Variants in DHX29 observed in about 807,000 individuals in gnomAD.
DHX29 encodes the protein ATP-dependent RNA helicase DHX29.
A neutral mutation model predicts 167.9 loss-of-function variants in DHX29; 79 were observed. That is an observed-to-expected ratio of 0.47 (90% CI 0.39 to 0.57). The LOEUF is 0.57. Among genes scored for constraint, DHX29 ranks in the 20% least tolerant of loss-of-function variants. The probability of loss-of-function intolerance (pLI) is 0.00; values close to 1 mark genes in which losing one functional copy is unlikely to be tolerated. For synonymous variants in DHX29, 530 were observed against 546.0 expected (o/e 0.97, Z 0.41); for missense variants, 1,347 against 1,593.4 (o/e 0.85, Z 2.63).
At position 55,267,760 on chromosome 5, in the gene DHX29, A is replaced by T; in HGVS notation, c.3357T>A (p.Asp1119Glu). The change falls in exon 22 of 27, where the codon GAT becomes GAA. Residue 1119 changes from aspartate to glutamate, a missense_variant. Physicochemically the swap from Asp to Glu is conservative, Grantham distance 45. Coordinates refer to ENST00000251636, the MANE Select transcript of DHX29 (RefSeq NM_019030.4). ...SPFTTPIGRK[D>E]EADLAKSALA... The stretch of plus-strand genomic sequence containing the variant: ...AAGCTGATTTTGCAAGATCTGCTTC[A>T]TCTTTTCGACCAATTGGTGTGGTAA... The T allele has an allele frequency of 6.2e-7, 1 of 1,609,718 alleles. No homozygotes were observed. The highest frequency in any genetic ancestry group is 8.5e-7 in the Non-Finnish European group (1 of 1,177,750).
intron 18 of DHX29, among the ~76,000 whole-genome samples, chr5:55,271,766 T>C (rs1746863454): frequency 1.3e-5 from 2 of 152,244 alleles, no homozygotes; most frequent in African/African-American, 4.8e-5. Flanking sequence ...TTTTAAATAA[T>C]CACAAAGAAT....
chr5:55,275,276 T>C (rs1747052250), intron 14 of DHX29, among the ~76,000 whole-genome samples: 2 of 152,134 alleles, frequency 1.3e-5, no homozygotes, highest in African/African-American at 4.8e-5. Flanking sequence ...ACTAAAAGAA[T>C]TGTAGAAAAA....
intron 21 of DHX29, among the ~76,000 whole-genome samples, chr5:55,268,156 AGTCT>A (rs1746676332): frequency 6.6e-6 from 1 of 152,224 alleles, no homozygotes; most frequent in Non-Finnish European, 1.5e-5. Context: ...AATGATTTAC[AGTCT>A]GTCATACAGT....
At chr5:55,280,894 G>T (rs1392399157) in intron 12 of DHX29, among the ~76,000 whole-genome samples, 3 of 152,024 alleles carry the variant, frequency 2.0e-5, no homozygotes, top group African/African-American at 7.3e-5. Context: ...GGTCCTATGT[G>T]CCAGTGAAAC....
At chr5:55,269,243 CAAAA>C (rs34353606) in intron 21 of DHX29, among the ~76,000 whole-genome samples, 166 bp downstream of exon 21, 3 of 72,652 alleles carry the variant, frequency 4.1e-5, no homozygotes, top group African/African-American at 4.7e-5. Context: ...GACCCTGTCT[CAAAA>C]AAAAAAAAAA....
intron 4 of DHX29, 73 bp downstream of exon 4, chr5:55,296,147 C>A: frequency 2.7e-6 from 4 of 1,466,856 alleles, no homozygotes; most frequent in African/African-American, 1.4e-5. Context: ...GAGTATGAGC[C>A]AAAAGGTTGA....
rs947326229 is a variant in DHX29 at position 55,289,242 on chromosome 5, C to T, written c.1066+28G>A. On this transcript the variant is annotated intron_variant, in intron 8 of 26. Transcript: ENST00000251636. ...TTGACATTTTATTATTTACAAATTACACCCTGACCATCTTCCCTTAATTTT... is the reference window on the plus strand; with the variant it reads ...TTGACATTTTATTATTTACAAATTATACCCTGACCATCTTCCCTTAATTTT... 8 of 1,510,168 alleles carry T rather than the reference C, an allele frequency of 5.3e-6. No individual in the cohort carries two copies. In the Admixed American group the frequency reaches 1.2e-4, roughly 23 times the overall value. The allele number at this position is 1,510,168 out of a possible 1,614,324, so 93.5% of individuals were successfully genotyped here.
chr5:55,283,400 C>T lies in DHX29; in HGVS notation c.1768G>A (p.Val590Ile). Residue 590 changes from valine (V) to isoleucine (I), a missense_variant, in exon 11 of 27, where the codon GTA becomes ATA. Physicochemically the swap from Val to Ile is conservative, Grantham distance 29. Transcript: ENST00000251636. ...SIVETLKRHRVVVVAGETGSG... is the reference protein window; with the variant it reads ...SIVETLKRHRIVVVAGETGSG... ...CCTGTTTCACCTGCCACAACCACTA[C>T]CCGATGCCTTTTAAGAGTTTCAACA... 6.2e-7 allele frequency: 1 copy of T among 1,614,186 alleles called. No individual in the cohort carries two copies. The highest frequency in any genetic ancestry group is 8.5e-7 in the Non-Finnish European group (1 of 1,180,028).
chr5:55,268,602 T>C (rs532376256), intron 21 of DHX29, among the ~76,000 whole-genome samples: 1 of 152,210 alleles, frequency 6.6e-6, no homozygotes, highest in African/African-American at 2.4e-5. Flanking sequence ...TTTTTTAATC[T>C]TAATTTTTTT....
intron 6 of DHX29, 116 bp downstream of exon 6, chr5:55,293,901 A>G: frequency 1.7e-6 from 2 of 1,153,212 alleles, no homozygotes; most frequent in South Asian, 1.6e-5. Context: ...TAATCTTCAC[A>G]TCAACCCCTT....
intron 1 of DHX29, among the ~76,000 whole-genome samples, chr5:55,303,865 C>T (rs1200363344): frequency 6.6e-6 from 1 of 152,116 alleles, no homozygotes; most frequent in Non-Finnish European, 1.5e-5. Context: ...CCTCATAGCA[C>T]TTTTTCTATT....
intron 16 of DHX29, among the ~76,000 whole-genome samples, chr5:55,273,820 C>G (rs1579770621): frequency 6.6e-6 from 1 of 152,072 alleles, no homozygotes; most frequent in Non-Finnish European, 1.5e-5. Context: ...AGTGCGGTGG[C>G]TCAGGCCTGT....
chr5:55,259,803 T>C lies in DHX29; in HGVS notation c.4057+45A>G, dbSNP rs746157581. 7 of 1,151,128 alleles carry C rather than the reference T, an allele frequency of 6.1e-6. No individual in the cohort carries two copies. The Admixed American group carries it at 1.0e-4, about 17-fold the overall frequency. 71.3% of individuals were successfully genotyped at this position (1,151,128 alleles called of 1,614,324 possible). A position where few individuals can be genotyped will look rare whatever the true frequency, so the allele number is the denominator to read the frequency against. On this transcript the variant is annotated intron_variant, in intron 26 of 26. Coordinates refer to ENST00000251636, the MANE Select transcript of DHX29 (RefSeq NM_019030.4). ...ATTAATACATAGGTATGTGTACACATACACATATGTGTATATGGTCTTTCA... is the reference window on the plus strand; with the variant it reads ...ATTAATACATAGGTATGTGTACACACACACATATGTGTATATGGTCTTTCA...
At chr5:55,281,978 G>A (rs1561153164) in intron 11 of DHX29, among the ~76,000 whole-genome samples, 1 of 151,742 alleles carries the variant, frequency 6.6e-6, no homozygotes, top group Non-Finnish European at 1.5e-5. Context: ...TAGAGATGAG[G>A]TTTCACCATG....
intron 6 of DHX29, 90 bp downstream of exon 6, chr5:55,293,927 A>G (rs1297263015): frequency 1.4e-6 from 2 of 1,434,402 alleles, no homozygotes; most frequent in Non-Finnish European, 9.4e-7. Flanking sequence ...TACATTTCCA[A>G]TTTACAAATG....
At chr5:55,274,136 G>A (rs866646963) in intron 16 of DHX29, among the ~76,000 whole-genome samples, 2 of 151,786 alleles carry the variant, frequency 1.3e-5, no homozygotes, top group Non-Finnish European at 2.9e-5. Context: ...GCTCACGCCT[G>A]TAATCCTGGC....
chr5:55,290,117 G>C, intron 7 of DHX29, 101 bp downstream of exon 7: 1 of 1,376,164 alleles, frequency 7.3e-7, no homozygotes, highest in Non-Finnish European at 9.8e-7. Flanking sequence ...TAAACTGTTA[G>C]AAAAGGGTAG....
chr5:55,295,279 A>G (rs1004776015), intron 5 of DHX29, 100 bp downstream of exon 5: 23 of 909,192 alleles, frequency 2.5e-5, no homozygotes, highest in Non-Finnish European at 3.7e-5. Flanking sequence ...ATTTGTAAGA[A>G]GTAAAAATGT....
chr5:55,301,439 C>T (rs1317313575), intron 1 of DHX29, among the ~76,000 whole-genome samples: 3 of 152,126 alleles, frequency 2.0e-5, no homozygotes, highest in Admixed American at 1.3e-4. Context: ...CCAGGCCAGG[C>T]GTGGTGGCTC....
Sources: gnomAD v4.1 joint callset for allele counts (sites outside exome capture counted in the v4.1 genomes callset) on GRCh38, gnomAD v4.1.1 for gene constraint, MANE v1.5 for transcripts, NCBI Gene and HGNC (gene_info 2026-07-23, HGNC 2026-07-21) for gene names.